NME7: variants seen among roughly 807,000 people sequenced by gnomAD.
NME7 encodes the protein nucleoside diphosphate kinase 7.
NME7 carries 41 observed loss-of-function variants against 49.1 expected under a neutral mutation model. The observed-to-expected ratio is 0.83, with a 90% CI of 0.65 to 1.08. The LOEUF is 1.08. NME7 is among the 50% of genes least tolerant of loss of function. NME7 has a pLI of 0.00. For missense variants in NME7, 423 were observed against 463.4 expected (o/e 0.91, Z 0.80); for synonymous variants, 139 against 150.6 (o/e 0.92, Z 0.56).
At chr1:169,136,199 A>G (rs937048864) in intron 11 of NME7, among the ~76,000 whole-genome samples, 4 of 152,202 alleles carry the variant, frequency 2.6e-5, no homozygotes, top group African/African-American at 4.8e-5. Context: ...CAGGAATAGG[A>G]CATAGGATCC....
chr1:169,239,856 AAT>A (rs1207807571), intron 7 of NME7, among the ~76,000 whole-genome samples: 1 of 152,012 alleles, frequency 6.6e-6, no homozygotes, highest in Non-Finnish European at 1.5e-5. Flanking sequence ...CTTACTGAAT[AAT>A]AGAGTGGAAA....
rs530720786 is a variant in NME7, at chr1:169,164,451, A to G, written c.1098+4996T>C. Among the ~76,000 whole-genome samples, 325 of 152,300 alleles carry G rather than the reference A, an allele frequency of 2.1e-3. 2 individuals carry two copies. Among genetic ancestry groups the G allele is most frequent in the Non-Finnish European group, 4.0e-3 (272 of 68,020 alleles). On this transcript the variant is annotated intron_variant, in intron 11 of 11. Transcript: ENST00000367811. ...AACTACTATCATTTGTTGAGCAATT[A>G]CTATTTGCTAGGCACAATGATATTT...
chr1:169,289,204 C>T (rs1571359192), intron 6 of NME7, among the ~76,000 whole-genome samples: 1 of 152,098 alleles, frequency 6.6e-6, no homozygotes, highest in African/African-American at 2.4e-5. Flanking sequence ...TTGTCACATC[C>T]TACACTCTGG....
chr1:169,239,002 T>A (rs1238542486), intron 7 of NME7, among the ~76,000 whole-genome samples: 1 of 152,036 alleles, frequency 6.6e-6, no homozygotes, highest in South Asian at 2.1e-4. Context: ...TTAAGTTGTA[T>A]TACTAAAAAT....
chr1:169,223,864 A>C (rs1310743332), intron 10 of NME7, among the ~76,000 whole-genome samples: 1 of 152,014 alleles, frequency 6.6e-6, no homozygotes, highest in Non-Finnish European at 1.5e-5. Context: ...TTCTACATTT[A>C]ATCTGTGTAT....
At chr1:169,149,278 T>C (rs1658843523) in intron 11 of NME7, among the ~76,000 whole-genome samples, 1 of 151,968 alleles carries the variant, frequency 6.6e-6, no homozygotes, top group Non-Finnish European at 1.5e-5. Context: ...GAGGCGGAGG[T>C]TGCAGTGAGC....
chr1:169,252,405 GTTGT>G lies in NME7; in HGVS notation c.755-14722_755-14719del, dbSNP rs1434042846. 3.0e-4 allele frequency among the ~76,000 whole-genome samples: 46 copies of G among 152,156 alleles called. 1 individual carries two copies. The highest frequency in any genetic ancestry group is 9.9e-4 in the African/African-American group (41 of 41,492). On this transcript the variant is annotated intron_variant, in intron 7 of 11. Coordinates refer to ENST00000367811, the MANE Select transcript of NME7 (RefSeq NM_013330.5). Reference sequence around the variant, plus strand: ...TGTCCTTCACCCACTTTTTGATGGGGTTGTTTGTTTTTTTCTTAAAAATTTGTTT... The same window carrying G: ...TGTCCTTCACCCACTTTTTGATGGGGTTGTTTTTTTCTTAAAAATTTGTTT...
At position 169,260,369 on chromosome 1, in the gene NME7, T is replaced by A. The variant is rs1364920037; in HGVS notation, c.755-22682A>T. On this transcript the variant is annotated intron_variant, in intron 7 of 11. Coordinates refer to ENST00000367811, the MANE Select transcript of NME7 (RefSeq NM_013330.5). ...ACCTTTTCTTTAGAAATCGTCCCTC[T>A]TTCTTCCTCCTAAGAATCAATTATA... Among the ~76,000 whole-genome samples the A allele has an allele frequency of 1.5e-5, 2 of 133,652 alleles. 1 individual carries two copies. The highest frequency in any genetic ancestry group is 3.5e-5 in the Non-Finnish European group (2 of 56,824). 87.7% of individuals were successfully genotyped at this position (133,652 alleles called of 152,430 possible).
intron 1 of NME7, among the ~76,000 whole-genome samples, chr1:169,338,016 G>A (rs1652546405): frequency 1.3e-5 from 2 of 152,080 alleles, no homozygotes; most frequent in Non-Finnish European, 2.9e-5. Flanking sequence ...CAAGTAAAAA[G>A]GGTCTTCACG....
intron 10 of NME7, among the ~76,000 whole-genome samples, chr1:169,187,456 T>C (rs1356660713): frequency 6.6e-6 from 1 of 152,232 alleles, no homozygotes. Flanking sequence ...ATATTTAGGA[T>C]AGTTAGCTCT....
intron 10 of NME7, among the ~76,000 whole-genome samples, chr1:169,186,159 T>C (rs1440699613): frequency 6.6e-6 from 1 of 152,130 alleles, no homozygotes; most frequent in African/African-American, 2.4e-5. Flanking sequence ...TGTAATAAAA[T>C]TAGAGTATTT....
At chr1:169,181,193 A>C (rs186565847) in intron 10 of NME7, among the ~76,000 whole-genome samples, 29 of 149,982 alleles carry the variant, frequency 1.9e-4, no homozygotes, top group Middle Eastern at 6.8e-3. Flanking sequence ...ACCTATCTAT[A>C]ATTTATCATG....
At chr1:169,234,924 G>C (rs529734282) in intron 9 of NME7, among the ~76,000 whole-genome samples, 80 of 152,072 alleles carry the variant, frequency 5.3e-4, no homozygotes, top group Non-Finnish European at 7.8e-4. Flanking sequence ...AAATTAGCCT[G>C]TTTGGGAAAT....
At chr1:169,254,110 A>G (rs1430691672) in intron 7 of NME7, among the ~76,000 whole-genome samples, 5 of 149,106 alleles carry the variant, frequency 3.4e-5, no homozygotes, top group African/African-American at 9.8e-5. Flanking sequence ...CTCTTTTTCT[A>G]TTGATTGGAA....
In NME7 at chr1:169,178,468, G is replaced by C. The variant is rs184521764; in HGVS notation, c.991-8914C>G. Among the ~76,000 whole-genome samples, 103 of 152,256 alleles carry C rather than the reference G, an allele frequency of 6.8e-4. 1 individual carries two copies. The highest frequency in any genetic ancestry group is 2.4e-3 in the African/African-American group (98 of 41,516). ...TGCCATGGTAGTAGCAGTGGAGGCAGCAGCAACTTCAGGATTCTAGGTATG... is the reference window on the plus strand; with the variant it reads ...TGCCATGGTAGTAGCAGTGGAGGCACCAGCAACTTCAGGATTCTAGGTATG... On this transcript the variant is annotated intron_variant, in intron 10 of 11. Coordinates refer to ENST00000367811, the MANE Select transcript of NME7 (RefSeq NM_013330.5).
chr1:169,361,706 G>A (rs1653661040), intron 1 of NME7, among the ~76,000 whole-genome samples: 3 of 151,874 alleles, frequency 2.0e-5, no homozygotes, highest in African/African-American at 7.3e-5. Context: ...CTTGAACCCA[G>A]GAGGCAGAGG....
intron 4 of NME7, among the ~76,000 whole-genome samples, chr1:169,307,440 GA>G (rs1312021759): frequency 2.6e-5 from 4 of 152,216 alleles, no homozygotes; most frequent in Non-Finnish European, 5.9e-5. Flanking sequence ...CAAGTAATTA[GA>G]AGGGCTTGCA....
intron 9 of NME7, among the ~76,000 whole-genome samples, chr1:169,231,431 A>G (rs905364525): frequency 2.6e-5 from 4 of 152,190 alleles, no homozygotes; most frequent in African/African-American, 4.8e-5. Flanking sequence ...ACAGAGCCCA[A>G]CGTTCTCTGA....
intron 1 of NME7, among the ~76,000 whole-genome samples, chr1:169,348,280 T>A (rs1356423985): frequency 6.6e-6 from 1 of 152,072 alleles, no homozygotes; most frequent in Non-Finnish European, 1.5e-5. Flanking sequence ...ATTCAAACAT[T>A]ATTTTTATTT....
Sources: allele counts gnomAD v4.1 joint callset (sites outside exome capture counted in the v4.1 genomes callset), GRCh38; gene constraint gnomAD v4.1.1; transcripts MANE v1.5; gene names NCBI Gene and HGNC (gene_info 2026-07-23, HGNC 2026-07-21).